CLDN16: variants seen among roughly 807,000 people sequenced by gnomAD.
CLDN16 encodes the protein claudin 16.
In CLDN16, 13 loss-of-function variants were observed where a neutral mutation model predicts 24.6. The ratio of observed to expected loss-of-function variants is 0.53; its 90% CI spans 0.34 to 0.84. CLDN16 has a LOEUF of 0.84. Among genes scored for constraint, CLDN16 ranks in the 40% least tolerant of loss-of-function variants. The probability of loss-of-function intolerance (pLI) is 0.01; values close to 1 mark genes in which losing one functional copy is unlikely to be tolerated. For synonymous variants in CLDN16, 116 were observed against 106.7 expected (o/e 1.09, Z -0.54); for missense variants, 298 against 292.7 (o/e 1.02, Z -0.13).
chr3:190,301,321 C>T, the CLDN16 span, among the ~76,000 whole-genome samples: 3 of 151,958 alleles, frequency 2.0e-5, no homozygotes, highest in Non-Finnish European at 1.5e-5. Flanking sequence ...ATGGTGAATC[C>T]CAGTCTCTGC....
intron 1 of CLDN16, among the ~76,000 whole-genome samples, chr3:190,365,852 C>G (rs542993167): frequency 3.5e-4 from 53 of 151,802 alleles, no homozygotes; most frequent in Non-Finnish European, 6.8e-4. Flanking sequence ...GTGACTTAAC[C>G]CTGCTTGTTA....
At chr3:190,409,687 T>A (rs928888392) in intron 4 of CLDN16, among the ~76,000 whole-genome samples, 3 of 150,010 alleles carry the variant, frequency 2.0e-5, no homozygotes, top group Non-Finnish European at 1.5e-5. Context: ...AAAAAAAAAA[T>A]AACAGGAAAT....
chr3:190,308,452 A>G, the CLDN16 span: 15 of 1,612,998 alleles, frequency 9.3e-6, no homozygotes, highest in Admixed American at 2.3e-4. Flanking sequence ...AAAAGGAAAA[A>G]CCCATGTGCT....
chr3:190,353,073 A>G (rs934027810), intron 1 of CLDN16, among the ~76,000 whole-genome samples: 2 of 152,118 alleles, frequency 1.3e-5, no homozygotes, highest in Non-Finnish European at 2.9e-5. Flanking sequence ...TGAGTAAGTG[A>G]TTTTGTAAAA....
intron 3 of CLDN16, among the ~76,000 whole-genome samples, chr3:190,405,314 C>G (rs531330555): frequency 6.6e-6 from 1 of 151,592 alleles, no homozygotes; most frequent in Admixed American, 6.6e-5. Flanking sequence ...GTCCCAGCTA[C>G]TCGGCGGGGC....
At chr3:190,297,464 ATTG>A in the CLDN16 span, among the ~76,000 whole-genome samples, 5 of 84,960 alleles carry the variant, frequency 5.9e-5, no homozygotes, top group East Asian at 4.1e-4. Context: ...TATCATATTA[ATTG>A]TTATATTATC....
upstream of CLDN16, among the ~76,000 whole-genome samples, chr3:190,386,423 C>G (rs148502947): frequency 6.6e-6 from 1 of 152,022 alleles, no homozygotes; most frequent in Admixed American, 6.6e-5. Flanking sequence ...ATGTCAGAAA[C>G]GAAGGACAGT....
chr3:190,312,673 T>C, the CLDN16 span, among the ~76,000 whole-genome samples: 26 of 152,230 alleles, frequency 1.7e-4, no homozygotes, highest in African/African-American at 6.0e-4. Flanking sequence ...CTTCAACCAA[T>C]AGACCTGTCA....
intron 1 of CLDN16, among the ~76,000 whole-genome samples, chr3:190,332,304 T>C (rs1717197367): frequency 2.6e-5 from 4 of 152,186 alleles, no homozygotes. Context: ...TTAACAAAAG[T>C]TCTGATTATA....
chr3:190,305,000 G>A, the CLDN16 span, among the ~76,000 whole-genome samples: 4 of 152,174 alleles, frequency 2.6e-5, no homozygotes, highest in African/African-American at 9.7e-5. Context: ...ATACTTTATT[G>A]CCTTTCAAAC....
intron 1 of CLDN16, among the ~76,000 whole-genome samples, chr3:190,326,453 T>C (rs918865280): frequency 1.3e-5 from 2 of 152,180 alleles, no homozygotes; most frequent in African/African-American, 4.8e-5. Context: ...GTATGAGCTT[T>C]CAGTGAGATT....
intron 1 of CLDN16, among the ~76,000 whole-genome samples, chr3:190,323,336 C>T (rs564682608): frequency 9.2e-5 from 14 of 152,256 alleles, no homozygotes; most frequent in South Asian, 6.2e-4. Context: ...ATGTAAACAG[C>T]GTTTCCCCAG....
chr3:190,339,540 G>T (rs1717383653), intron 1 of CLDN16, among the ~76,000 whole-genome samples: 1 of 152,154 alleles, frequency 6.6e-6, no homozygotes, highest in Non-Finnish European at 1.5e-5. Context: ...ATAGATTATG[G>T]TAATAGTCTA....
chr3:190,346,866 G>A (rs964442016), intron 1 of CLDN16, among the ~76,000 whole-genome samples: 2 of 152,062 alleles, frequency 1.3e-5, no homozygotes, highest in African/African-American at 4.8e-5. Flanking sequence ...TGTCCAAATT[G>A]TTCTCTCCTT....
At chr3:190,348,088 A>G (rs1035780017) in intron 1 of CLDN16, among the ~76,000 whole-genome samples, 13 of 75,828 alleles carry the variant, frequency 1.7e-4, no homozygotes, top group African/African-American at 9.6e-4. Context: ...CTGAAAATAC[A>G]AAAAAAAAAA....
intron 1 of CLDN16, among the ~76,000 whole-genome samples, chr3:190,367,090 C>T (rs1231019791): frequency 1.3e-5 from 2 of 151,848 alleles, no homozygotes; most frequent in African/African-American, 4.8e-5. Context: ...TATCTTTAGT[C>T]GACACTGTTT....
the CLDN16 span, chr3:190,310,140 C>A: frequency 6.3e-7 from 1 of 1,585,282 alleles, no homozygotes; most frequent in South Asian, 1.1e-5. Context: ...TCTCAGAAAA[C>A]AAACTATTTT....
intron 1 of CLDN16, among the ~76,000 whole-genome samples, chr3:190,354,353 T>G (rs981694227): frequency 6.6e-6 from 1 of 152,068 alleles, no homozygotes; most frequent in African/African-American, 2.4e-5. Context: ...CAAGATTTCA[T>G]TTCCTGGTGT....
the CLDN16 span, among the ~76,000 whole-genome samples, chr3:190,297,177 G>C: frequency 7.0e-5 from 2 of 28,418 alleles, no homozygotes; most frequent in Non-Finnish European, 6.5e-5. Context: ...TTTGCTTCCA[G>C]TCTTATGAAG....
Sources: allele counts gnomAD v4.1 joint callset (sites outside exome capture counted in the v4.1 genomes callset), GRCh38; gene constraint gnomAD v4.1.1; transcripts MANE v1.5; gene names NCBI Gene and HGNC (gene_info 2026-07-23, HGNC 2026-07-21).